The following NAA16 variants were observed in gnomAD, a reference collection of about 807,000 sequenced individuals.
NAA16 encodes NARG1-like protein.
NAA16 carries 97 observed loss-of-function variants against 110.3 expected under a neutral mutation model. The ratio of observed to expected loss-of-function variants is 0.88; its 90% CI spans 0.75 to 1.04. The LOEUF is 1.04. NAA16 is among the 50% of genes least tolerant of loss of function. The pLI is 0.00. For missense variants in NAA16, 1,017 were observed against 1,005.1 expected, an observed-to-expected ratio of 1.01 and a Z score of -0.16; for synonymous variants, 372 against 330.6, an observed-to-expected ratio of 1.13 and a Z score of -1.36.
Position 41,325,779 on chromosome 13 carries a change from C to G in NAA16, c.619C>G (p.Gln207Glu), listed in dbSNP as rs141280582. ...AGTGATGAGAGAGGCAGATCTGTTGCAGGAATCTTTGGAACATATAGAAAT... is the reference window on the plus strand; with the variant it reads ...AGTGATGAGAGAGGCAGATCTGTTGGAGGAATCTTTGGAACATATAGAAAT... The part of the protein sequence containing the change: ...NQVMREADLL[Q>E]ESLEHIEMYE... Residue 207 changes from glutamine to glutamate, a missense_variant, in exon 6 of 20, where the codon CAG (glutamine) becomes GAG (glutamate). Physicochemically the swap from Gln to Glu is conservative, Grantham distance 29 (BLOSUM62 2). Coordinates refer to ENST00000379406, the MANE Select transcript of NAA16 (RefSeq NM_024561.5). The G allele has an allele frequency of 3.9e-5, 62 of 1,606,556 alleles. No homozygotes were observed. In the African/African-American group the frequency reaches 7.8e-4, roughly 20 times the overall value.
intron 4 of NAA16, among the ~76,000 whole-genome samples, chr13:41,321,702 C>G (rs2041950715): frequency 6.6e-6 from 1 of 152,232 alleles, no homozygotes; most frequent in South Asian, 2.1e-4. Flanking sequence ...CTTCAACTCT[C>G]TCCTGGACAT....
intron 1 of NAA16, among the ~76,000 whole-genome samples, chr13:41,314,520 G>C (rs563467323): frequency 2.8e-5 from 4 of 141,182 alleles, no homozygotes; most frequent in Non-Finnish European, 6.5e-5. Context: ...GCTGTCAAGA[G>C]GCCTCAATAT....
chr13:41,339,193 T>C (rs9590587), intron 9 of NAA16, among the ~76,000 whole-genome samples: 144,201 of 152,152 alleles, frequency 0.95, 68,401 homozygotes, highest in South Asian at 0.99. Flanking sequence ...CAGGCTGGAG[T>C]GCAATGGCAT....
chr13:41,344,697 G>T (rs980104721), intron 9 of NAA16, among the ~76,000 whole-genome samples: 1 of 152,194 alleles, frequency 6.6e-6, no homozygotes, highest in Non-Finnish European at 1.5e-5. Flanking sequence ...CCATCGAGAT[G>T]TCAGTAGCTT....
intron 1 of NAA16, among the ~76,000 whole-genome samples, chr13:41,315,684 A>G (rs1192055600): frequency 6.6e-6 from 1 of 152,170 alleles, no homozygotes; most frequent in African/African-American, 2.4e-5. Flanking sequence ...GTATGCGTGC[A>G]CACACCCATG....
At chr13:41,347,222 AAAAAAC>A (rs199805779) in intron 9 of NAA16, among the ~76,000 whole-genome samples, 45,977 of 88,446 alleles carry the variant, frequency 0.52, 10,706 homozygotes, top group African/African-American at 0.72. Context: ...CTCAAAAAAA[AAAAAAC>A]AAAAACAAAA....
chr13:41,355,328 G>T, intron 10 of NAA16, 112 bp downstream of exon 10: 1 of 613,288 alleles, frequency 1.6e-6, no homozygotes, highest in Non-Finnish European at 2.8e-6. Flanking sequence ...CTTAATAAAT[G>T]GCTTTCAAAT....
At chr13:41,362,980 G>C (rs1218694340) in intron 13 of NAA16, 1 of 850,964 alleles carries the variant, frequency 1.2e-6, no homozygotes, top group Non-Finnish European at 1.5e-6. Context: ...GCTTTTGATG[G>C]GGACTGGAAC....
At chr13:41,371,184 A>T (rs1005357068) in intron 15 of NAA16, among the ~76,000 whole-genome samples, 9 of 152,210 alleles carry the variant, frequency 5.9e-5, no homozygotes, top group African/African-American at 2.2e-4. Context: ...CTTCCAAACC[A>T]TTGCCAGATG....
intron 13 of NAA16, among the ~76,000 whole-genome samples, chr13:41,363,858 AC>A (rs1284395027): frequency 6.6e-6 from 1 of 152,158 alleles, no homozygotes; most frequent in Admixed American, 6.5e-5. Flanking sequence ...CTACTCTTAT[AC>A]CAGTTGTAAG....
intron 15 of NAA16, among the ~76,000 whole-genome samples, chr13:41,369,921 G>A (rs908564152): frequency 6.6e-6 from 1 of 152,196 alleles, no homozygotes; most frequent in Non-Finnish European, 1.5e-5. Flanking sequence ...CATAATAAGT[G>A]TGTTGTTTTA....
intron 15 of NAA16, among the ~76,000 whole-genome samples, chr13:41,371,499 C>G (rs2043316393): frequency 6.6e-6 from 1 of 152,176 alleles, no homozygotes; most frequent in Non-Finnish European, 1.5e-5. Context: ...TAGCCCTTCA[C>G]CCTTCAGCCT....
chr13:41,331,747 G>T (rs968746008), intron 8 of NAA16, among the ~76,000 whole-genome samples: 3 of 151,958 alleles, frequency 2.0e-5, no homozygotes, highest in Non-Finnish European at 4.4e-5. Context: ...GGGGACTGTA[G>T]TTAACAACAA....
chr13:41,340,699 G>A (rs568495662), intron 9 of NAA16, among the ~76,000 whole-genome samples: 3 of 108,252 alleles, frequency 2.8e-5, no homozygotes, highest in African/African-American at 7.0e-5. Flanking sequence ...TTTCCGAGAC[G>A]GAGTCTCTCT....
intron 1 of NAA16, among the ~76,000 whole-genome samples, chr13:41,313,665 T>C (rs918934651): frequency 6.6e-6 from 1 of 152,236 alleles, no homozygotes; most frequent in African/African-American, 2.4e-5. Flanking sequence ...GCATGTCTTA[T>C]TCCCCAGACT....
intron 10 of NAA16, 79 bp downstream of exon 10, chr13:41,355,295 A>G: frequency 2.3e-6 from 2 of 852,844 alleles, no homozygotes; most frequent in East Asian, 2.6e-5. Flanking sequence ...TATGTATATT[A>G]TGTGTGTGCT....
At chr13:41,328,908 G>A (rs2139406765) in intron 7 of NAA16, 65 bp downstream of exon 7, 2 of 1,353,590 alleles carry the variant, frequency 1.5e-6, no homozygotes, top group South Asian at 1.3e-5. Context: ...ATGTAAAGTT[G>A]TAATAATACT....
intron 8 of NAA16, among the ~76,000 whole-genome samples, chr13:41,333,282 C>T (rs1393283239): frequency 6.6e-6 from 1 of 152,010 alleles, no homozygotes; most frequent in African/African-American, 2.4e-5. Flanking sequence ...AAATATAATC[C>T]ATATACCGTA....
At chr13:41,314,082 T>C (rs974958893) in intron 1 of NAA16, among the ~76,000 whole-genome samples, 4 of 152,164 alleles carry the variant, frequency 2.6e-5, no homozygotes, top group African/African-American at 9.7e-5. Flanking sequence ...TTAATAGTTA[T>C]ATAAACTCTA....
Sources: allele counts gnomAD v4.1 joint callset (sites outside exome capture counted in the v4.1 genomes callset), GRCh38; gene constraint gnomAD v4.1.1; transcripts MANE v1.5; gene names NCBI Gene and HGNC (gene_info 2026-07-23, HGNC 2026-07-21).